CLEC16A: variants seen among roughly 807,000 people sequenced by gnomAD.
The protein encoded by CLEC16A is protein CLEC16A.
CLEC16A carries 51 observed loss-of-function variants against 109.5 expected under a neutral mutation model. The ratio of observed to expected loss-of-function variants is 0.47; its 90% CI spans 0.37 to 0.59. The LOEUF is 0.59. Ranked by LOEUF, CLEC16A falls within the 20% of genes least tolerant of loss-of-function variation. The probability of loss-of-function intolerance (pLI) is 0.00; values close to 1 mark genes in which losing one functional copy is unlikely to be tolerated. For missense variants in CLEC16A, 1,339 were observed against 1,394.0 expected (o/e 0.96, Z 0.63); for synonymous variants, 673 against 564.2 (o/e 1.19, Z -2.73).
intron 19 of CLEC16A, among the ~76,000 whole-genome samples, chr16:11,099,967 C>T (rs986870430): frequency 7.9e-5 from 12 of 151,552 alleles, no homozygotes; most frequent in African/African-American, 2.9e-4. Context: ...GCCAGAGTTG[C>T]ACCTGGGGTT....
Position 11,178,568 on chromosome 16 carries a change from G to A in CLEC16A, c.3040G>A (p.Asp1014Asn), listed in dbSNP as rs1227279081. 2 of 1,611,764 alleles carry A rather than the reference G, an allele frequency of 1.2e-6. No homozygotes were observed. The highest frequency in any genetic ancestry group is 2.2e-5 in the South Asian group (2 of 91,058). ...VESLTLVPPV[D>N]PHSLRSLTGM... ...ATCGCTGACCCTTGTCCCCCCAGTTGACCCCCACAGCCTCCGCAGCCTCAC... is the reference window on the plus strand; with the variant it reads ...ATCGCTGACCCTTGTCCCCCCAGTTAACCCCCACAGCCTCCGCAGCCTCAC... The change falls in exon 24 of 24, where the codon GAC becomes AAC. Residue 1014 changes from aspartate (D) to asparagine (N), a missense_variant. Physicochemically the swap from Asp to Asn is conservative, Grantham distance 23. Around this residue, in one of 3 missense-constraint regions of CLEC16A, gnomAD observed 1,061 missense variants for 1,006.8 expected, o/e 1.05. Coordinates refer to ENST00000409790, the MANE Select transcript of CLEC16A (RefSeq NM_015226.3). The surrounding 1 kb of genome is among the most constrained non-coding windows in gnomAD (Gnocchi z 6.5).
At chr16:11,009,916 G>A (rs781471457) in intron 11 of CLEC16A, among the ~76,000 whole-genome samples, 1 of 152,148 alleles carries the variant, frequency 6.6e-6, no homozygotes, top group Non-Finnish European at 1.5e-5. Context: ...CACTTCGGGA[G>A]GCCAACACAA....
At chr16:10,997,658 TAAAAC>T (rs1205954084) in intron 10 of CLEC16A, among the ~76,000 whole-genome samples, 1 of 152,214 alleles carries the variant, frequency 6.6e-6, no homozygotes, top group Non-Finnish European at 1.5e-5. Context: ...GTGCTGGTAA[TAAAAC>T]AATTGAGTGA....
At chr16:11,110,638 G>C (rs753299749) in intron 19 of CLEC16A, among the ~76,000 whole-genome samples, 1 of 152,160 alleles carries the variant, frequency 6.6e-6, no homozygotes, top group Non-Finnish European at 1.5e-5. Flanking sequence ...AATTTGACTT[G>C]TGCTGGGAGA....
chr16:11,136,218 T>C (rs1318357922), intron 22 of CLEC16A: 1 of 152,228 alleles, frequency 6.6e-6, no homozygotes, highest in African/African-American at 2.4e-5. Context: ...GATCTCAGTT[T>C]ATTCATATAA....
At chr16:11,114,016 A>G (rs9935715) in intron 19 of CLEC16A, among the ~76,000 whole-genome samples, 2,227 of 152,270 alleles carry the variant, frequency 0.015, 43 homozygotes, top group African/African-American at 0.051. Context: ...GAGAAATGCC[A>G]GTTTCTCTGC....
intron 19 of CLEC16A, among the ~76,000 whole-genome samples, chr16:11,100,540 C>A (rs2050857486): frequency 6.6e-6 from 1 of 152,150 alleles, no homozygotes; most frequent in Admixed American, 6.5e-5. Context: ...TGGTTTCAAG[C>A]ACATGGAGGG....
chr16:11,042,772 A>G (rs1597172002), intron 15 of CLEC16A, among the ~76,000 whole-genome samples: 1 of 151,822 alleles, frequency 6.6e-6, no homozygotes, highest in African/African-American at 2.4e-5. Flanking sequence ...CTTATTTTCT[A>G]TGTTTATTTT....
intron 2 of CLEC16A, 85 bp downstream of exon 2, chr16:10,957,995 T>A: frequency 1.5e-6 from 2 of 1,362,200 alleles, no homozygotes; most frequent in Non-Finnish European, 2.0e-6. Flanking sequence ...TTCTGGATGA[T>A]GTCAGGATTT....
intron 19 of CLEC16A, among the ~76,000 whole-genome samples, chr16:11,106,338 G>A (rs771795810): frequency 6.6e-6 from 1 of 152,078 alleles, no homozygotes; most frequent in Non-Finnish European, 1.5e-5. Context: ...ACCCAGGCTG[G>A]AGTGCAGTGT....
chr16:11,036,284 C>T (rs551965010), intron 13 of CLEC16A, among the ~76,000 whole-genome samples: 1 of 152,062 alleles, frequency 6.6e-6, no homozygotes, highest in African/African-American at 2.4e-5. Context: ...CATCCTCCAC[C>T]TCATCACCCC....
intron 12 of CLEC16A, among the ~76,000 whole-genome samples, chr16:11,023,893 G>A (rs1282939558): frequency 6.6e-6 from 1 of 152,238 alleles, no homozygotes; most frequent in Non-Finnish European, 1.5e-5. Flanking sequence ...CCTCTGGCCT[G>A]TGGGCCAGAC....
chr16:10,971,909 T>G (rs1046924728), intron 5 of CLEC16A, among the ~76,000 whole-genome samples: 1 of 152,224 alleles, frequency 6.6e-6, no homozygotes, highest in African/African-American at 2.4e-5. Flanking sequence ...GACTATTTTC[T>G]CAGGGATGAA....
At chr16:10,966,815 G>C (rs974865281) in intron 3 of CLEC16A, among the ~76,000 whole-genome samples, 1 of 152,144 alleles carries the variant, frequency 6.6e-6, no homozygotes, top group Non-Finnish European at 1.5e-5. Context: ...ATCTCCACCT[G>C]ATCCCTCCCA....
chr16:11,003,360 C>A, intron 11 of CLEC16A, 55 bp downstream of exon 11: 1 of 1,457,578 alleles, frequency 6.9e-7, no homozygotes, highest in African/African-American at 1.4e-5. Context: ...AGCCCGCCAG[C>A]GAGGCTGCCA....
intron 10 of CLEC16A, among the ~76,000 whole-genome samples, chr16:10,988,057 T>C (rs1396263544): frequency 1.3e-5 from 2 of 152,272 alleles, no homozygotes; most frequent in Admixed American, 6.5e-5. Flanking sequence ...TGCTAAAGGC[T>C]AATTCTTGCT....
At chr16:11,151,826 G>A (rs1410674784) in intron 22 of CLEC16A, among the ~76,000 whole-genome samples, 2 of 152,202 alleles carry the variant, frequency 1.3e-5, no homozygotes, top group Non-Finnish European at 2.9e-5. Context: ...TTCGGGGGGC[G>A]GGGGCCGGCT....
chr16:11,091,384 G>T (rs908397434), intron 19 of CLEC16A, among the ~76,000 whole-genome samples: 1 of 152,182 alleles, frequency 6.6e-6, no homozygotes, highest in Non-Finnish European at 1.5e-5. Flanking sequence ...CCCCAGTGGC[G>T]CCTGAGAGGC....
rs199899684 is a variant in CLEC16A at position 10,962,451 on chromosome 16, C to G, written c.210-4C>G. 23 of 1,613,826 alleles carry G rather than the reference C, an allele frequency of 1.4e-5. No homozygotes were observed. The highest frequency in any genetic ancestry group is 1.8e-5 in the Non-Finnish European group (21 of 1,179,886). On this transcript the variant is annotated splice_region_variant and splice_polypyrimidine_tract_variant and intron_variant, in intron 2 of 23. Transcript: ENST00000409790. ...CCACTGATGCTTTTCCATTCTCTCC[C>G]CAGCTTCTTCCTGGAGAAGAATATG...
Sources: allele counts gnomAD v4.1 joint callset (sites outside exome capture counted in the v4.1 genomes callset), GRCh38; gene constraint gnomAD v4.1.1; regional missense constraint gnomAD v4.1.1; non-coding constraint Gnocchi (gnomAD v3.1); transcripts MANE v1.5; gene names NCBI Gene and HGNC (gene_info 2026-07-23, HGNC 2026-07-21).